Variants in PLB1 observed in about 807,000 individuals in gnomAD.
The protein encoded by PLB1 is phospholipase B1, membrane-associated.
In PLB1, 242 loss-of-function variants were observed where a neutral mutation model predicts 227.4. That is an observed-to-expected ratio of 1.06 (90% CI 0.96 to 1.18). PLB1 has a LOEUF of 1.18. PLB1 is among the 50% of genes most tolerant of loss of function. The pLI is 0.00. For synonymous variants in PLB1, 757 were observed against 682.2 expected, an observed-to-expected ratio of 1.11 and a Z score of -1.71; for missense variants, 1,858 against 1,816.3, an observed-to-expected ratio of 1.02 and a Z score of -0.42.
chr2:28,603,959 T>G lies in PLB1; in HGVS notation c.2775-7T>G. On this transcript the variant is annotated splice_region_variant and splice_polypyrimidine_tract_variant and intron_variant, in intron 39 of 57. Transcript: ENST00000327757. Reference sequence around the variant, plus strand: ...CTGGGGCCTCCTGCCTCCCCCTCTTTGTGCAGCGTTTTGTGTAACTGCGTT... The same window carrying G: ...CTGGGGCCTCCTGCCTCCCCCTCTTGGTGCAGCGTTTTGTGTAACTGCGTT... The G allele has an allele frequency of 6.2e-7, 1 of 1,613,946 alleles. No homozygotes were observed. The highest frequency in any genetic ancestry group is 1.3e-5 in the African/African-American group (1 of 75,052).
At chr2:28,554,002 T>C (rs1197318318) in intron 17 of PLB1, among the ~76,000 whole-genome samples, 1 of 152,106 alleles carries the variant, frequency 6.6e-6, no homozygotes, top group Non-Finnish European at 1.5e-5. Flanking sequence ...CTAAGACACA[T>C]GGCTGGCAGG....
chr2:28,568,905 G>C (rs371353071), intron 20 of PLB1, among the ~76,000 whole-genome samples: 12 of 152,304 alleles, frequency 7.9e-5, no homozygotes, highest in African/African-American at 2.6e-4. Flanking sequence ...TAAGTAGCTG[G>C]GTAGACTGTG....
At chr2:28,554,502 T>TTTTTTTTG (rs1674739437) in intron 17 of PLB1, among the ~76,000 whole-genome samples, 1 of 41,228 alleles carries the variant, frequency 2.4e-5, no homozygotes, top group African/African-American at 5.9e-5. Context: ...TTTTTTTTTT[T>TTTTTTTTG]TTTTTTTTTT....
At chr2:28,556,487 G>C (rs1054009807) in intron 17 of PLB1, among the ~76,000 whole-genome samples, 10 of 152,176 alleles carry the variant, frequency 6.6e-5, no homozygotes, top group African/African-American at 2.2e-4. Flanking sequence ...TCAGCACATA[G>C]ATGCAATTTG....
chr2:28,540,276 C>T, intron 11 of PLB1, 90 bp from the exon 12 acceptor site: 2 of 1,042,154 alleles, frequency 1.9e-6, no homozygotes, highest in Non-Finnish European at 3.0e-6. Flanking sequence ...ACTCCTATGC[C>T]CCTTCTTCCA....
At chr2:28,503,146 T>TTTTTTA (rs1396158378) in intron 1 of PLB1, among the ~76,000 whole-genome samples, 1 of 152,070 alleles carries the variant, frequency 6.6e-6, no homozygotes, top group Non-Finnish European at 1.5e-5. Flanking sequence ...TTCAAACCAA[T>TTTTTTA]TTTTTATTTT....
intron 5 of PLB1, 33 bp from the exon 6 acceptor site, chr2:28,525,872 G>A (rs1156730930): frequency 1.9e-6 from 3 of 1,613,218 alleles, no homozygotes; most frequent in Non-Finnish European, 2.5e-6. Context: ...CACAAATGCA[G>A]CCTGACACTC....
At chr2:28,519,558 G>A in intron 3 of PLB1, 147 bp from the exon 4 acceptor site, 1 of 618,414 alleles carries the variant, frequency 1.6e-6, no homozygotes, top group Non-Finnish European at 2.9e-6. Flanking sequence ...CCTGGTCTTT[G>A]GCATTCCACT....
intron 44 of PLB1, 81 bp downstream of exon 44, chr2:28,614,177 G>A: frequency 7.6e-7 from 1 of 1,311,860 alleles, no homozygotes; most frequent in Non-Finnish European, 1.1e-6. Flanking sequence ...ACAGGTTTCA[G>A]AGTATTCACT....
intron 43 of PLB1, among the ~76,000 whole-genome samples, chr2:28,610,774 C>T (rs1049723714): frequency 5.9e-5 from 9 of 152,174 alleles, no homozygotes; most frequent in African/African-American, 1.7e-4. Flanking sequence ...CACTGACTCA[C>T]GTTGCTGACT....
chr2:28,601,589 T>C (rs1340591710), intron 37 of PLB1, among the ~76,000 whole-genome samples: 3 of 152,088 alleles, frequency 2.0e-5, no homozygotes, highest in Non-Finnish European at 2.9e-5. Flanking sequence ...GTATTTCTAC[T>C]CCTCTCTCTT....
At chr2:28,558,487 G>A (rs1442361218) in intron 17 of PLB1, among the ~76,000 whole-genome samples, 3 of 152,160 alleles carry the variant, frequency 2.0e-5, no homozygotes, top group Non-Finnish European at 2.9e-5. Flanking sequence ...ACCCCATTGC[G>A]TGATTTCTTT....
Position 28,566,172 on chromosome 2 carries a change from C to T in PLB1, c.1281-624C>T, listed in dbSNP as rs1300195530. On this transcript the variant is annotated intron_variant, in intron 19 of 57. Transcript: ENST00000327757. ...GTGCCGAGTCTCTGGCATCCTTCCT[C>T]ACGTTGCAACACAGTTAAACCCAAA... is the stretch of plus-strand genomic sequence containing the variant. 4.6e-5 allele frequency among the ~76,000 whole-genome samples: 7 copies of T among 152,280 alleles called. No homozygotes were observed. In the South Asian group the frequency reaches 1.5e-3, roughly 32 times the overall value.
At chr2:28,579,404 G>A (rs1199689722) in intron 22 of PLB1, among the ~76,000 whole-genome samples, 1 of 152,186 alleles carries the variant, frequency 6.6e-6, no homozygotes, top group East Asian at 1.9e-4. Context: ...GTGCTTTTGT[G>A]TGTGGACAGA....
intron 53 of PLB1, among the ~76,000 whole-genome samples, chr2:28,630,265 G>A (rs1688414623): frequency 6.6e-6 from 1 of 152,182 alleles, no homozygotes; most frequent in African/African-American, 2.4e-5. Context: ...AGAAATCCCA[G>A]GGACCACAGG....
At chr2:28,548,674 C>T (rs980032224) in intron 14 of PLB1, 186 bp from the exon 15 acceptor site, 1 of 654,610 alleles carries the variant, frequency 1.5e-6, no homozygotes, top group Non-Finnish European at 2.8e-6. Context: ...GAGCTGCTTA[C>T]AACACAGACT....
intron 8 of PLB1, among the ~76,000 whole-genome samples, chr2:28,531,284 A>G (rs1012869714): frequency 6.6e-5 from 10 of 152,068 alleles, no homozygotes; most frequent in African/African-American, 2.4e-4. Context: ...TTACTGGATA[A>G]AGATGTTGTT....
intron 49 of PLB1, among the ~76,000 whole-genome samples, chr2:28,622,909 T>C (rs1687231958): frequency 6.6e-6 from 1 of 151,912 alleles, no homozygotes; most frequent in Non-Finnish European, 1.5e-5. Context: ...TAATTAAAAA[T>C]AAATAAAAGA....
At chr2:28,637,900 T>C (rs766402789) in intron 56 of PLB1, among the ~76,000 whole-genome samples, 3 of 152,178 alleles carry the variant, frequency 2.0e-5, no homozygotes, top group East Asian at 1.9e-4. Flanking sequence ...GCTACGTGGT[T>C]GGTAGCCACA....
Sources: allele counts gnomAD v4.1 joint callset (sites outside exome capture counted in the v4.1 genomes callset), GRCh38; gene constraint gnomAD v4.1.1; transcripts MANE v1.5; gene names NCBI Gene and HGNC (gene_info 2026-07-23, HGNC 2026-07-21).